TBC1D4: variants seen among roughly 807,000 people sequenced by gnomAD.
TBC1D4 encodes TBC1 domain family member 4.
In TBC1D4, 121 loss-of-function variants were observed where a neutral mutation model predicts 142.5. That is an observed-to-expected ratio of 0.85 (90% CI 0.73 to 0.99). TBC1D4 has a LOEUF of 0.99. TBC1D4 is among the 50% of genes least tolerant of loss of function. The probability of loss-of-function intolerance (pLI) is 0.00; values close to 1 mark genes in which losing one functional copy is unlikely to be tolerated. For synonymous variants in TBC1D4, 630 were observed against 628.2 expected (o/e 1.00, Z -0.04); for missense variants, 1,475 against 1,606.6 (o/e 0.92, Z 1.40).
chr13:75,357,214 C>T (rs1882123540), intron 3 of TBC1D4, among the ~76,000 whole-genome samples: 2 of 151,964 alleles, frequency 1.3e-5, no homozygotes, highest in African/African-American at 4.8e-5. Context: ...TAAATGGTTG[C>T]CCCTATTTTG....
chr13:75,440,735 G>C (rs1457112046), intron 1 of TBC1D4, among the ~76,000 whole-genome samples: 3 of 139,824 alleles, frequency 2.1e-5, no homozygotes, highest in African/African-American at 8.9e-5. Flanking sequence ...GGTTTTATTT[G>C]TTTCTTTTTT....
At chr13:75,351,571 C>G (rs1006231190) in intron 4 of TBC1D4, among the ~76,000 whole-genome samples, 1 of 121,448 alleles carries the variant, frequency 8.2e-6, no homozygotes, top group Non-Finnish European at 1.7e-5. Flanking sequence ...CTTCCCCCCT[C>G]CCCCCACCCC....
intron 1 of TBC1D4, among the ~76,000 whole-genome samples, chr13:75,462,843 C>T (rs1888026607): frequency 6.6e-6 from 1 of 152,124 alleles, no homozygotes; most frequent in African/African-American, 2.4e-5. Flanking sequence ...CTGCTTGTAA[C>T]ACCGCTCATA....
intron 1 of TBC1D4, among the ~76,000 whole-genome samples, chr13:75,407,878 A>C (rs1885416724): frequency 6.6e-6 from 1 of 152,232 alleles, no homozygotes; most frequent in African/African-American, 2.4e-5. Flanking sequence ...TAGAAAAAAA[A>C]AAGAAAAGAG....
rs1165355816 is a variant in TBC1D4 at position 75,481,650 on chromosome 13, A to C, written c.118T>G (p.Tyr40Asp). The C allele has an allele frequency of 6.9e-6, 11 of 1,603,822 alleles. No homozygotes were observed. Among genetic ancestry groups the C allele is most frequent in the Non-Finnish European group, 9.4e-6 (11 of 1,175,258 alleles). Residue 40 changes from tyrosine to aspartate, a missense_variant, in exon 1 of 21, where the codon TAC (tyrosine) becomes GAC (aspartate). Transcript: ENST00000377636. ...TGGTCCAGGCACGACCCCCCAACGT[A>C]CCACAGCCGGAACCGCTTATCGCTT... is the stretch of plus-strand genomic sequence containing the variant. ...KPSDKRFRLW[Y>D]VGGSCLDHRT... is the part of the protein sequence containing the mutation.
chr13:75,313,853 T>C (rs1327283414), intron 12 of TBC1D4, among the ~76,000 whole-genome samples: 1 of 152,192 alleles, frequency 6.6e-6, no homozygotes, highest in East Asian at 1.9e-4. Context: ...GATTTCTTTA[T>C]AGCAGTACTT....
intron 1 of TBC1D4, among the ~76,000 whole-genome samples, chr13:75,427,145 G>A (rs940415322): frequency 6.6e-6 from 1 of 151,268 alleles, no homozygotes; most frequent in African/African-American, 2.4e-5. Flanking sequence ...CTGGAGTGCA[G>A]TGGCGCGATC....
chr13:75,290,450 C>G (rs1486297874), intron 19 of TBC1D4, among the ~76,000 whole-genome samples: 1 of 152,088 alleles, frequency 6.6e-6, no homozygotes, highest in Non-Finnish European at 1.5e-5. Context: ...CAATAGTAAT[C>G]TATAAAGCCA....
intron 14 of TBC1D4, among the ~76,000 whole-genome samples, chr13:75,308,138 T>C (rs17064131): frequency 0.047 from 7,213 of 152,286 alleles, 177 homozygotes; most frequent in Middle Eastern, 0.068. Flanking sequence ...TATCAAGAAA[T>C]AATTATCCAT....
At chr13:75,373,289 T>C in intron 1 of TBC1D4, among the ~76,000 whole-genome samples, 1 of 152,234 alleles carries the variant, frequency 6.6e-6, no homozygotes, top group Non-Finnish European at 1.5e-5. Flanking sequence ...ACCTTGCAGA[T>C]GAAAATAATA....
intron 1 of TBC1D4, among the ~76,000 whole-genome samples, chr13:75,408,131 C>A (rs983425137): frequency 6.6e-6 from 1 of 152,126 alleles, no homozygotes; most frequent in Non-Finnish European, 1.5e-5. Flanking sequence ...TTACCCCCTT[C>A]CCCCAAACAC....
chr13:75,339,604 C>T (rs951720200), intron 7 of TBC1D4, among the ~76,000 whole-genome samples: 180 of 149,974 alleles, frequency 1.2e-3, no homozygotes, highest in Admixed American at 3.2e-3. Flanking sequence ...TTTTTTGAGA[C>T]GGAGTCTCCT....
intron 1 of TBC1D4, among the ~76,000 whole-genome samples, chr13:75,391,656 G>C (rs1884497062): frequency 6.6e-6 from 1 of 152,118 alleles, no homozygotes; most frequent in African/African-American, 2.4e-5. Context: ...GCTACCCAGG[G>C]CTCTATGATT....
At chr13:75,409,733 A>T (rs539799066) in intron 1 of TBC1D4, among the ~76,000 whole-genome samples, 1 of 152,356 alleles carries the variant, frequency 6.6e-6, no homozygotes, top group Admixed American at 6.5e-5. Context: ...GCTTTCAAGG[A>T]GGCAATAAAT....
intron 1 of TBC1D4, among the ~76,000 whole-genome samples, chr13:75,443,754 T>TC (rs1887151081): frequency 6.6e-6 from 1 of 152,156 alleles, no homozygotes; most frequent in Non-Finnish European, 1.5e-5. Context: ...CCAAGCCCTG[T>TC]CCCTACTCAG....
intron 1 of TBC1D4, among the ~76,000 whole-genome samples, chr13:75,393,556 A>G (rs1884606894): frequency 6.6e-6 from 1 of 152,164 alleles, no homozygotes. Flanking sequence ...TTTTCAGTGC[A>G]ACAATACAGC....
At chr13:75,474,998 G>A (rs75945965) in intron 1 of TBC1D4, among the ~76,000 whole-genome samples, 1 of 152,086 alleles carries the variant, frequency 6.6e-6, no homozygotes, top group Non-Finnish European at 1.5e-5. Flanking sequence ...ATACTGGTAC[G>A]TACTTCACCC....
intron 8 of TBC1D4, among the ~76,000 whole-genome samples, chr13:75,332,869 C>A (rs1305638588): frequency 6.6e-6 from 1 of 152,236 alleles, no homozygotes; most frequent in East Asian, 1.9e-4. Context: ...AACAAAGAAA[C>A]AAAACTAGGA....
chr13:75,397,847 A>C (rs1168132073), intron 1 of TBC1D4, among the ~76,000 whole-genome samples: 1 of 152,224 alleles, frequency 6.6e-6, no homozygotes, highest in Non-Finnish European at 1.5e-5. Flanking sequence ...AAGTGATACT[A>C]TCTGCTTCCC....
Sources: gnomAD v4.1 joint callset for allele counts (sites outside exome capture counted in the v4.1 genomes callset) on GRCh38, gnomAD v4.1.1 for gene constraint, MANE v1.5 for transcripts, NCBI Gene and HGNC (gene_info 2026-07-23, HGNC 2026-07-21) for gene names.